HSD17B4: variants seen among roughly 807,000 people sequenced by gnomAD.
HSD17B4 encodes the protein hydroxysteroid 17-beta dehydrogenase 4.
Under a neutral mutation model 101.0 loss-of-function variants are expected in HSD17B4, and 70 were observed. The ratio of observed to expected loss-of-function variants is 0.69; its 90% confidence interval spans 0.57 to 0.85. The LOEUF (loss-of-function observed/expected upper bound fraction) is 0.85. Ranked by LOEUF, HSD17B4 falls within the 40% of genes least tolerant of loss-of-function variation. The pLI, the probability that HSD17B4 is intolerant of heterozygous loss-of-function variation, is 0.00. For synonymous variants in HSD17B4, 347 were observed against 297.1 expected (o/e 1.17, Z -1.73); for missense variants, 984 against 892.4 (o/e 1.10, Z -1.31).
At chr5:119,499,764 C>T in intron 13 of HSD17B4, 1 of 348,662 alleles carries the variant, frequency 2.9e-6, no homozygotes, top group South Asian at 5.3e-5. Context: ...AAGAAAATAA[C>T]AAGTATGTGT....
chr5:119,474,452 G>GAAGA lies in HSD17B4; in HGVS notation c.274_277dup (p.Ile93LysfsTer19). 1 of 1,598,246 alleles carries GAAGA rather than the reference G, an allele frequency of 6.3e-7. No homozygotes were observed. The highest frequency in any genetic ancestry group is 8.6e-7 in the Non-Finnish European group (1 of 1,165,618). On this transcript the variant is annotated frameshift_variant, in exon 4 of 24. Coordinates refer to ENST00000510025, the MANE Select transcript of HSD17B4 (RefSeq NM_000414.4). LOFTEE classifies it high-confidence loss of function. The stretch of plus-strand genomic sequence containing the variant: ...GTGAAGACAGCCCTGGATGCTTTTG[G>GAAGA]AAGAATAGGTGATGTTTCTTTGTGT...
At chr5:119,536,594 C>T (rs961280202) in intron 23 of HSD17B4, 44 bp downstream of exon 23, 36 of 1,599,542 alleles carry the variant, frequency 2.3e-5, no homozygotes, top group African/African-American at 4.0e-5. Flanking sequence ...TTATTGTTTC[C>T]TCTTTTGACA....
chr5:119,461,060 A>G (rs1022586871), intron 2 of HSD17B4, among the ~76,000 whole-genome samples: 1 of 152,192 alleles, frequency 6.6e-6, no homozygotes, highest in South Asian at 2.1e-4. Context: ...GCCAGATCAC[A>G]TAGGACCTTT....
Position 119,470,542 on chromosome 5 carries a change from G to T in HSD17B4, c.113-3366G>T, listed in dbSNP as rs574130773. The stretch of plus-strand genomic sequence containing the variant: ...TCTGTGATTACAGGTATTTGTGATG[G>T]TAATGGCGACTCTTGGGTGTCCCCC... On this transcript the variant is annotated intron_variant, in intron 2 of 23. Transcript: ENST00000510025. Among the ~76,000 whole-genome samples, 35 of 152,286 alleles carry T rather than the reference G, an allele frequency of 2.3e-4. No homozygotes were observed. In the South Asian group the frequency reaches 3.9e-3, roughly 17 times the overall value.
At chr5:119,500,210 T>C (rs1751030504) in intron 13 of HSD17B4, among the ~76,000 whole-genome samples, 1 of 151,892 alleles carries the variant, frequency 6.6e-6, no homozygotes, top group Admixed American at 6.6e-5. Context: ...TAAGAGTCTA[T>C]TATAGTAATC....
intron 2 of HSD17B4, among the ~76,000 whole-genome samples, chr5:119,460,308 G>C (rs965848997): frequency 6.6e-6 from 1 of 152,208 alleles, no homozygotes; most frequent in Non-Finnish European, 1.5e-5. Flanking sequence ...ATAGTACTTA[G>C]TAATCAAGAA....
intron 22 of HSD17B4, among the ~76,000 whole-genome samples, chr5:119,532,977 C>T (rs1413018105): frequency 1.3e-5 from 2 of 151,994 alleles, no homozygotes; most frequent in Non-Finnish European, 2.9e-5. Flanking sequence ...GTAATATGCA[C>T]GTTTATAGAT....
At position 119,480,727 on chromosome 5, in the gene HSD17B4, C is replaced by T. The variant is rs182734534; in HGVS notation, c.622+1706C>T. On this transcript the variant is annotated intron_variant, in intron 8 of 23. Coordinates refer to ENST00000510025, the MANE Select transcript of HSD17B4 (RefSeq NM_000414.4). ...GTGGGAATTTCCTCTTCCTAATAAG[C>T]CTGGGAGCGCTATGGGAGACTGGAG... Among the ~76,000 whole-genome samples the T allele has an allele frequency of 9.9e-4, 151 of 152,208 alleles. 1 individual carries two copies. The highest frequency in any genetic ancestry group is 3.5e-3 in the African/African-American group (144 of 41,526).
chr5:119,514,688 C>A (rs1433546715), intron 16 of HSD17B4, among the ~76,000 whole-genome samples: 1 of 152,124 alleles, frequency 6.6e-6, no homozygotes, highest in Non-Finnish European at 1.5e-5. Flanking sequence ...TCATCTTTTA[C>A]ATAGGGAGTA....
chr5:119,519,553 C>G (rs1752933484), intron 17 of HSD17B4, among the ~76,000 whole-genome samples: 1 of 152,170 alleles, frequency 6.6e-6, no homozygotes, highest in Non-Finnish European at 1.5e-5. Context: ...ATCTGAGTCA[C>G]TTGCATGTAA....
At chr5:119,479,085 C>T in intron 8 of HSD17B4, 64 bp downstream of exon 8, 1 of 1,198,916 alleles carries the variant, frequency 8.3e-7, no homozygotes, top group Non-Finnish European at 1.2e-6. Flanking sequence ...ATGAGCTTTA[C>T]AAAAGTATTT....
intron 17 of HSD17B4, among the ~76,000 whole-genome samples, chr5:119,516,330 A>G (rs941377891): frequency 7.9e-5 from 12 of 152,184 alleles, no homozygotes; most frequent in Non-Finnish European, 1.5e-4. Context: ...TGGTTCAGAA[A>G]ACCCAAGAAA....
intron 13 of HSD17B4, among the ~76,000 whole-genome samples, chr5:119,499,946 T>C (rs577800114): frequency 2.6e-5 from 4 of 152,194 alleles, no homozygotes; most frequent in Admixed American, 1.3e-4. Flanking sequence ...TTAAAGCAAA[T>C]AGCACATACT....
intron 2 of HSD17B4, among the ~76,000 whole-genome samples, chr5:119,461,109 T>G (rs1287821558): frequency 6.6e-6 from 1 of 152,138 alleles, no homozygotes. Flanking sequence ...TGAGATGGGG[T>G]AAAAAGCAAT....
chr5:119,463,003 C>T (rs1755419341), intron 2 of HSD17B4, among the ~76,000 whole-genome samples: 1 of 152,244 alleles, frequency 6.6e-6, no homozygotes, highest in East Asian at 1.9e-4. Context: ...TCCTATTCCC[C>T]TCTTCCCTGC....
At chr5:119,511,134 A>G (rs1484945182) in intron 16 of HSD17B4, among the ~76,000 whole-genome samples, 2 of 152,202 alleles carry the variant, frequency 1.3e-5, no homozygotes, top group Non-Finnish European at 2.9e-5. Context: ...GGAAAGAAGT[A>G]TGTCACTACT....
At chr5:119,525,758 G>A (rs1178922459) in intron 18 of HSD17B4, 159 bp from the exon 19 acceptor site, 7 of 577,804 alleles carry the variant, frequency 1.2e-5, no homozygotes, top group Non-Finnish European at 2.2e-5. Flanking sequence ...TTCCTCCCAG[G>A]AAATACTCTT....
intron 8 of HSD17B4, among the ~76,000 whole-genome samples, chr5:119,480,618 G>T (rs944198174): frequency 6.6e-6 from 1 of 152,192 alleles, no homozygotes; most frequent in African/African-American, 2.4e-5. Flanking sequence ...AATTGCTAAT[G>T]AAGTTTTGGG....
rs759039800 is a variant in HSD17B4, at chr5:119,503,076, T to TTGTGTGTGTGTGTGTGTG, written c.1261+1006_1261+1023dup. Among the ~76,000 whole-genome samples the TTGTGTGTGTGTGTGTGTG allele has an allele frequency of 6.5e-4, 91 of 140,624 alleles. 2 individuals are homozygous for TTGTGTGTGTGTGTGTGTG. The East Asian group carries it at 0.01, about 16-fold the overall frequency. The allele number at this position is 140,624 out of a possible 152,430, so 92.3% of individuals were successfully genotyped here. A position where few individuals can be genotyped will look rare whatever the true frequency, so the allele number is the denominator to read the frequency against. ...AGATTCTCAATCCCAACCTTGGAAA[T>TTGTGTGTGTGTGTGTGTG]TGTGTGTGTGTGTGTGTGTGTGTGT... On this transcript the variant is annotated intron_variant, in intron 14 of 23. Transcript: ENST00000510025.
Sources: gnomAD v4.1 joint callset for allele counts (sites outside exome capture counted in the v4.1 genomes callset) on GRCh38, gnomAD v4.1.1 for gene constraint, MANE v1.5 for transcripts, NCBI Gene and HGNC (gene_info 2026-07-23, HGNC 2026-07-21) for gene names.